Variants in COG2 observed in about 807,000 individuals in gnomAD.
COG2 encodes the protein conserved oligomeric Golgi complex subunit 2.
Under a neutral mutation model 90.6 loss-of-function variants are expected in COG2, and 52 were observed. The observed-to-expected ratio is 0.57, with a 90% CI of 0.46 to 0.72. The LOEUF (loss-of-function observed/expected upper bound fraction) is 0.72. COG2 is among the 30% of genes least tolerant of loss of function. COG2 has a pLI of 0.00. For missense variants in COG2, 829 were observed against 891.2 expected (o/e 0.93, Z 0.89); for synonymous variants, 337 against 320.4 (o/e 1.05, Z -0.55).
intron 16 of COG2, 80 bp downstream of exon 16, chr1:230,690,233 C>A: frequency 1.6e-6 from 2 of 1,271,426 alleles, no homozygotes; most frequent in African/African-American, 1.5e-5. Context: ...TCAAGCACTG[C>A]GTATGGATAA....
intron 2 of COG2, among the ~76,000 whole-genome samples, chr1:230,660,480 AT>A (rs1662155369): frequency 6.6e-6 from 1 of 152,182 alleles, no homozygotes; most frequent in East Asian, 1.9e-4. Context: ...TCATTAAAAT[AT>A]TTTATTCAGA....
chr1:230,647,725 A>G (rs1317706283), intron 1 of COG2, among the ~76,000 whole-genome samples: 2 of 152,230 alleles, frequency 1.3e-5, no homozygotes, highest in African/African-American at 4.8e-5. Flanking sequence ...GTATTTGCAT[A>G]TAACCTACTT....
intron 1 of COG2, among the ~76,000 whole-genome samples, chr1:230,649,754 A>C (rs1417712176): frequency 6.6e-6 from 1 of 151,964 alleles, no homozygotes; most frequent in African/African-American, 2.4e-5. Flanking sequence ...CAGGAGGTAC[A>C]TGTACAGGTT....
rs370408849 is a variant in COG2, at chr1:230,658,721, C to G, written c.73-743C>G. On this transcript the variant is annotated intron_variant, in intron 1 of 17. Transcript: ENST00000366669. The stretch of plus-strand genomic sequence containing the variant: ...TTTATCTATAAGACCCTGACTGGGG[C>G]TGCTGCCTTTTTTTTCAGAGATGCC... Among the ~76,000 whole-genome samples the G allele has an allele frequency of 2.6e-5, 4 of 152,302 alleles. No homozygotes were observed. In the East Asian group the frequency reaches 5.8e-4, roughly 22 times the overall value.
At chr1:230,676,577 T>G (rs1342391234) in intron 9 of COG2, among the ~76,000 whole-genome samples, 1 of 152,172 alleles carries the variant, frequency 6.6e-6, no homozygotes, top group Non-Finnish European at 1.5e-5. Flanking sequence ...TTTTATTGTT[T>G]TAAATCATCA....
intron 16 of COG2, 119 bp from the exon 17 acceptor site, chr1:230,691,265 T>C: frequency 1.3e-6 from 1 of 798,198 alleles, no homozygotes. Context: ...TGGTTGAATT[T>C]TCGTTGGAAG....
chr1:230,656,986 C>CG (rs1455974128), intron 1 of COG2, among the ~76,000 whole-genome samples: 1 of 152,094 alleles, frequency 6.6e-6, no homozygotes, highest in Admixed American at 6.5e-5. Context: ...GATGGGTCTC[C>CG]TAAATACAGC....
chr1:230,648,458 A>C, intron 1 of COG2, among the ~76,000 whole-genome samples: 1 of 152,240 alleles, frequency 6.6e-6, no homozygotes, highest in Non-Finnish European at 1.5e-5. Flanking sequence ...ACTGATTGTC[A>C]CAGAATTTTC....
chr1:230,644,052 C>T (rs1236174189), intron 1 of COG2, among the ~76,000 whole-genome samples: 1 of 152,216 alleles, frequency 6.6e-6, no homozygotes, highest in Non-Finnish European at 1.5e-5. Flanking sequence ...CCAGCATCTT[C>T]TCTGACTCAC....
At chr1:230,692,268 A>AG (rs1389456720) in intron 17 of COG2, among the ~76,000 whole-genome samples, 4 of 151,974 alleles carry the variant, frequency 2.6e-5, no homozygotes, top group Non-Finnish European at 5.9e-5. Flanking sequence ...GCCTTTCCAC[A>AG]GGGAAAAAAA....
intron 1 of COG2, among the ~76,000 whole-genome samples, chr1:230,650,819 T>G (rs1447528391): frequency 6.6e-6 from 1 of 152,238 alleles, no homozygotes; most frequent in African/African-American, 2.4e-5. Context: ...AGGATTTTTA[T>G]AGTTTCAGGT....
At chr1:230,656,438 G>A (rs11122570) in intron 1 of COG2, among the ~76,000 whole-genome samples, 24,803 of 152,156 alleles carry the variant, frequency 0.16, 2,646 homozygotes, top group Admixed American at 0.22. Flanking sequence ...TGTGGTTTGC[G>A]AGTCTGTTTA....
At chr1:230,655,072 T>A (rs1662016025) in intron 1 of COG2, among the ~76,000 whole-genome samples, 1 of 152,172 alleles carries the variant, frequency 6.6e-6, no homozygotes, top group Admixed American at 6.5e-5. Flanking sequence ...TCTCTTCCTA[T>A]TTGAATACCC....
intron 9 of COG2, chr1:230,678,417 G>A (rs1662651920): frequency 3.0e-6 from 3 of 985,396 alleles, no homozygotes; most frequent in Non-Finnish European, 3.6e-6. Flanking sequence ...CGAGTTAGCT[G>A]CCACTCTTAA....
At chr1:230,665,797 A>G (rs193061414) in intron 5 of COG2, among the ~76,000 whole-genome samples, 2 of 152,222 alleles carry the variant, frequency 1.3e-5, no homozygotes, top group Admixed American at 1.3e-4. Flanking sequence ...GCCCTGTTCC[A>G]CTAACTGCTC....
intron 5 of COG2, among the ~76,000 whole-genome samples, chr1:230,667,676 T>A (rs1287864197): frequency 6.6e-6 from 1 of 152,228 alleles, no homozygotes. Flanking sequence ...CCCTTTTTGG[T>A]TGGTCACACT....
Position 230,691,397 on chromosome 1 carries a change from G to A in COG2, c.1948G>A (p.Val650Met), listed in dbSNP as rs751261062. The A allele has an allele frequency of 1.1e-5, 18 of 1,612,650 alleles. No homozygotes were observed. Among genetic ancestry groups the A allele is most frequent in the African/African-American group, 5.4e-5 (4 of 74,760 alleles). ...CTTCTATTCAAGGTACTATGAAACCGTGTCAGATGTATTAAACTCTGTGAA... is the reference window on the plus strand; with the variant it reads ...CTTCTATTCAAGGTACTATGAAACCATGTCAGATGTATTAAACTCTGTGAA... Reference protein sequence around the residue: ...SESTHKYYETVSDVLNSVKKM... With the variant: ...SESTHKYYETMSDVLNSVKKM... Residue 650 changes from valine to methionine, a missense_variant, in exon 17 of 18, where the codon GTG (valine) becomes ATG (methionine). Physicochemically the swap from Val to Met is conservative, Grantham distance 21. Coordinates refer to ENST00000366669, the MANE Select transcript of COG2 (RefSeq NM_007357.3).
Position 230,642,481 on chromosome 1 carries a change from A to C in COG2, c.-126A>C. ...CATTGGCCGCGGCGCGGGCGCTGCC[A>C]TGTTGGCGGAAGCGGACCCCCCTGT... On this transcript the variant is annotated 5_prime_UTR_variant, in exon 1 of 18. An upstream start codon of the reference 5' UTR is lost. Coordinates refer to ENST00000366669, the MANE Select transcript of COG2 (RefSeq NM_007357.3). 2 of 848,472 alleles carry C rather than the reference A, an allele frequency of 2.4e-6. No individual in the cohort carries two copies. The highest frequency in any genetic ancestry group is 3.1e-5 in the East Asian group (1 of 32,228). 52.6% of individuals were successfully genotyped at this position (848,472 alleles called of 1,614,324 possible). A position where few individuals can be genotyped will look rare whatever the true frequency, so the allele number is the denominator to read the frequency against.
intron 1 of COG2, among the ~76,000 whole-genome samples, chr1:230,657,860 C>T (rs112399027): frequency 0.022 from 3,284 of 152,008 alleles, 112 homozygotes; most frequent in African/African-American, 0.075. Flanking sequence ...ATTGATTCGG[C>T]TATTGATACT....
Sources: gnomAD v4.1 joint callset for allele counts (sites outside exome capture counted in the v4.1 genomes callset) on GRCh38, gnomAD v4.1.1 for gene constraint, MANE v1.5 for transcripts, NCBI Gene and HGNC (gene_info 2026-07-23, HGNC 2026-07-21) for gene names.